The following PPP4C variants were observed in gnomAD, a reference collection of about 807,000 sequenced individuals.
The protein encoded by PPP4C is serine/threonine-protein phosphatase 4 catalytic subunit.
In PPP4C, 10 loss-of-function variants were observed where a neutral mutation model predicts 40.5. That is an observed-to-expected ratio of 0.25 (90% CI 0.15 to 0.42). PPP4C has a LOEUF of 0.42. PPP4C is among the 10% of genes least tolerant of loss of function. The pLI, the probability that PPP4C is intolerant of heterozygous loss-of-function variation, is 1.00. For missense variants in PPP4C, 191 were observed against 416.4 expected, an observed-to-expected ratio of 0.46 and a Z score of 4.71; for synonymous variants, 187 against 163.6, an observed-to-expected ratio of 1.14 and a Z score of -1.09.
chr16:30,083,314 C>A lies in PPP4C; in HGVS notation c.304-80C>A. On this transcript the variant is annotated intron_variant, in intron 5 of 8. Coordinates refer to ENST00000279387, the MANE Select transcript of PPP4C (RefSeq NM_002720.3). This position sits in a 1 kb window ranked among gnomAD's most constrained non-coding sequence, Gnocchi z 6.3. ...GGGCAGTGGTTGTGAGGATGGCAGG[C>A]TGGCGGGCACGAGGAGGTCAGAGAG... The A allele has an allele frequency of 6.8e-7, 1 of 1,480,760 alleles. No individual in the cohort carries two copies. Among genetic ancestry groups the A allele is most frequent in the Non-Finnish European group, 9.2e-7 (1 of 1,089,842 alleles). The allele number at this position is 1,480,760 out of a possible 1,614,324, so 91.7% of individuals were successfully genotyped here.
In PPP4C at chr16:30,084,862, C is replaced by G. The variant is rs765598801; in HGVS notation, c.794+7C>G. On this transcript the variant is annotated splice_region_variant and intron_variant, in intron 8 of 8. Coordinates refer to ENST00000279387, the MANE Select transcript of PPP4C (RefSeq NM_002720.3). ...CACCCAACTACTGCTACCGGTGAGC[C>G]GGCTGGGCCGGGCTGGGATGGGCGG... The G allele has an allele frequency of 2.2e-5, 35 of 1,613,876 alleles. No homozygotes were observed. Among genetic ancestry groups the G allele is most frequent in the Non-Finnish European group, 2.9e-5 (34 of 1,179,854 alleles).
chr16:30,078,885 G>A lies in PPP4C; in HGVS notation c.99-2374G>A, dbSNP rs180967102. Among the ~76,000 whole-genome samples the A allele has an allele frequency of 2.7e-4, 41 of 152,306 alleles. No individual in the cohort carries two copies. The East Asian group carries it at 6.9e-3, about 26-fold the overall frequency. ...GGTATCCGGGCACAGGGCCTGCTGC[G>A]CTGGTAGCCGTTACTGCAGGCAGGT... is the stretch of plus-strand genomic sequence containing the variant. On this transcript the variant is annotated intron_variant, in intron 2 of 8. Transcript: ENST00000279387.
At chr16:30,078,843 A>G (rs2151024867) in intron 2 of PPP4C, among the ~76,000 whole-genome samples, 1 of 152,374 alleles carries the variant, frequency 6.6e-6, no homozygotes, top group South Asian at 2.1e-4. Context: ...TGATAATGAC[A>G]TGCAGTTGAG....
At position 30,082,836 on chromosome 16, in the gene PPP4C, C is replaced by T. The variant is rs780191305; in HGVS notation, c.292C>T (p.Leu98=). ...FYSVETFLLL[L]ALKVRYPDRI... ...TAGCGTCGAAACGTTCCTCCTGCTG[C>T]TGGCACTTAAGGTGGCAGTCCCCGG... The change falls in exon 5 of 9, where the codon CTG becomes TTG. Residue 98 remains leucine, a synonymous_variant. Transcript: ENST00000279387. The T allele has an allele frequency of 1.7e-5, 27 of 1,613,910 alleles. No homozygotes were observed. The highest frequency in any genetic ancestry group is 2.1e-5 in the Non-Finnish European group (25 of 1,179,948).
chr16:30,078,439 A>G (rs955031308), intron 2 of PPP4C, among the ~76,000 whole-genome samples: 1 of 152,198 alleles, frequency 6.6e-6, no homozygotes, highest in African/African-American at 2.4e-5. Flanking sequence ...GCAGGAAGCC[A>G]TGGAAGGCTG....
chr16:30,083,747 G>T lies in PPP4C; in HGVS notation c.570G>T (p.Gly190=). 2 of 1,614,146 alleles carry T rather than the reference G, an allele frequency of 1.2e-6. No individual in the cohort carries two copies. Among genetic ancestry groups the T allele is most frequent in the Non-Finnish European group, 1.7e-6 (2 of 1,180,024 alleles). Residue 190 remains glycine (G), a synonymous_variant, in exon 7 of 9, where the codon GGG becomes GGT. Coordinates refer to ENST00000279387, the MANE Select transcript of PPP4C (RefSeq NM_002720.3). The surrounding 1 kb of genome is among the most constrained non-coding windows in gnomAD (Gnocchi z 6.3). ...GAAAGCAAGAGGTGCCTCATGATGG[G>T]CCCATGTGTGACCTCCTCTGGTCTG... ...IDRKQEVPHD[G]PMCDLLWSDP...
chr16:30,082,621 G>A (rs986629655), intron 4 of PPP4C, 87 bp downstream of exon 4: 66 of 1,555,994 alleles, frequency 4.2e-5, no homozygotes, highest in Admixed American at 2.2e-4. Flanking sequence ...AATTTGGGGC[G>A]TGGAGTGGGG....
chr16:30,078,552 C>T (rs1467639267), intron 2 of PPP4C, among the ~76,000 whole-genome samples: 5 of 152,162 alleles, frequency 3.3e-5, no homozygotes, highest in Non-Finnish European at 7.3e-5. Flanking sequence ...TGAAGCAGGG[C>T]CATCTCTGAT....
chr16:30,080,204 G>T (rs1313395277), intron 2 of PPP4C, among the ~76,000 whole-genome samples: 1 of 151,778 alleles, frequency 6.6e-6, no homozygotes, highest in African/African-American at 2.4e-5. Flanking sequence ...AATTAGCTGG[G>T]CGTGGTGGTA....
chr16:30,082,582 A>C (rs776318160), intron 4 of PPP4C, 48 bp downstream of exon 4: 3 of 1,596,412 alleles, frequency 1.9e-6, no homozygotes, highest in Non-Finnish European at 2.6e-6. Flanking sequence ...GATGACTGGA[A>C]GACCCCTGTA....
In PPP4C at chr16:30,080,834, CTG is replaced by C. The variant is rs536475908; in HGVS notation, c.99-422_99-421del. On this transcript the variant is annotated intron_variant, in intron 2 of 8. Transcript: ENST00000279387. Reference sequence around the variant, plus strand: ...GCGCATCACTTTGAAGGCGCATCCACTGTGGGCCTGCCCTGGGCACCTACCCT... The same window carrying C: ...GCGCATCACTTTGAAGGCGCATCCACTGGGCCTGCCCTGGGCACCTACCCT... 5.4e-3 allele frequency among the ~76,000 whole-genome samples: 818 copies of C among 152,290 alleles called. 12 individuals are homozygous for C. The highest frequency in any genetic ancestry group is 0.019 in the African/African-American group (770 of 41,566).
rs1038310425 is a variant in PPP4C at position 30,081,089 on chromosome 16, T to A, written c.99-170T>A. 5.0e-6 allele frequency: 4 copies of A among 800,990 alleles called. No individual in the cohort carries two copies. The African/African-American group carries it at 6.8e-5, about 14-fold the overall frequency. The allele number at this position is 800,990 out of a possible 1,614,324, so 49.6% of individuals were successfully genotyped here. A position where few individuals can be genotyped will look rare whatever the true frequency, so the allele number is the denominator to read the frequency against. On this transcript the variant is annotated intron_variant, in intron 2 of 8. Transcript: ENST00000279387. The stretch of plus-strand genomic sequence containing the variant: ...TTGGCAGCAGGGGGCCACGGAAGGG[T>A]GTTGCATGCTGAAGGGCCGTGGTCA...
At chr16:30,082,372 A>G in intron 3 of PPP4C, 112 bp from the exon 4 acceptor site, 1 of 1,166,486 alleles carries the variant, frequency 8.6e-7, no homozygotes, top group South Asian at 1.2e-5. Context: ...GGTCCTAGGA[A>G]GTAGAAGTGC....
chr16:30,076,167 G>C, intron 1 of PPP4C, 73 bp downstream of exon 1: 2 of 583,838 alleles, frequency 3.4e-6, no homozygotes, highest in East Asian at 2.9e-5. Flanking sequence ...GTTAGCGGGG[G>C]TGCGGCCAGG....
rs189312517 is a variant in PPP4C, at chr16:30,078,707, G to A, written c.98+2232G>A. Among the ~76,000 whole-genome samples, 480 of 152,332 alleles carry A rather than the reference G, an allele frequency of 3.2e-3. 4 individuals carry two copies. The highest frequency in any genetic ancestry group is 0.011 in the African/African-American group (460 of 41,560). On this transcript the variant is annotated intron_variant, in intron 2 of 8. Coordinates refer to ENST00000279387, the MANE Select transcript of PPP4C (RefSeq NM_002720.3). ...CCGCAGTGTCTGAGCTGAAATTGCT[G>A]CTACTAGAAATATTAGCACAGTAGG...
rs1303514984 is a variant in PPP4C at position 30,083,955 on chromosome 16, A to G, written c.604+174A>G. On this transcript the variant is annotated intron_variant, in intron 7 of 8. Coordinates refer to ENST00000279387, the MANE Select transcript of PPP4C (RefSeq NM_002720.3). The surrounding 1 kb of genome is among the most constrained non-coding windows in gnomAD (Gnocchi z 6.3). Reference sequence around the variant, plus strand: ...CTTTGAGCACACAGTGGCTTGGGGCATGGCCCAGAGGGCTGTGGAGGACAA... The same window carrying G: ...CTTTGAGCACACAGTGGCTTGGGGCGTGGCCCAGAGGGCTGTGGAGGACAA... The G allele has an allele frequency of 1.9e-6, 2 of 1,032,238 alleles. No individual in the cohort carries two copies. Among genetic ancestry groups the G allele is most frequent in the Non-Finnish European group, 1.4e-6 (1 of 718,504 alleles). The allele number at this position is 1,032,238 out of a possible 1,614,324, so 63.9% of individuals were successfully genotyped here.
Position 30,084,637 on chromosome 16 carries a change from C to T in PPP4C, c.605-29C>T, listed in dbSNP as rs371203965. 468 of 1,598,266 alleles carry T rather than the reference C, an allele frequency of 2.9e-4. 1 individual carries two copies. The highest frequency in any genetic ancestry group is 3.9e-4 in the Non-Finnish European group (460 of 1,166,282). On this transcript the variant is annotated intron_variant, in intron 7 of 8. Coordinates refer to ENST00000279387, the MANE Select transcript of PPP4C (RefSeq NM_002720.3). ...GGCAGCCAGAGAAGCCTGAGGACAT[C>T]CCTCTCCATCCCTCCCTTTCCGCAT... is the stretch of plus-strand genomic sequence containing the variant.
Position 30,083,328 on chromosome 16 carries a change from G to A in PPP4C, c.304-66G>A. On this transcript the variant is annotated intron_variant, in intron 5 of 8. Coordinates refer to ENST00000279387, the MANE Select transcript of PPP4C (RefSeq NM_002720.3). This position sits in a 1 kb window ranked among gnomAD's most constrained non-coding sequence, Gnocchi z 6.3. ...AGGATGGCAGGCTGGCGGGCACGAG[G>A]AGGTCAGAGAGGGATGTGTGGAGAG... 6.5e-7 allele frequency: 1 copy of A among 1,535,674 alleles called. No homozygotes were observed.
intron 2 of PPP4C, among the ~76,000 whole-genome samples, chr16:30,079,143 G>A (rs2072457301): frequency 1.3e-5 from 2 of 151,914 alleles, no homozygotes. Flanking sequence ...CTCCAGCTTG[G>A]TGACCTTGAC....
Sources: allele counts gnomAD v4.1 joint callset (sites outside exome capture counted in the v4.1 genomes callset), GRCh38; gene constraint gnomAD v4.1.1; non-coding constraint Gnocchi (gnomAD v3.1); transcripts MANE v1.5; gene names NCBI Gene and HGNC (gene_info 2026-07-23, HGNC 2026-07-21).